The following PPP2R2B variants were observed in gnomAD, a reference collection of about 807,000 sequenced individuals.
PPP2R2B encodes protein phosphatase 2 regulatory subunit Bbeta.
A neutral mutation model predicts 46.0 loss-of-function variants in PPP2R2B; 5 were observed. That is an observed-to-expected ratio of 0.11 (90% confidence interval 0.06 to 0.23). PPP2R2B has a LOEUF of 0.23. Ranked by LOEUF, PPP2R2B falls within the 10% of genes least tolerant of loss-of-function variation. PPP2R2B has a pLI of 1.00. For missense variants in PPP2R2B, 367 were observed against 575.0 expected (o/e 0.64, Z 3.70); for synonymous variants, 215 against 206.7 (o/e 1.04, Z -0.34).
chr5:146,971,795 C>CT (rs1281199926), intron 1 of PPP2R2B, among the ~76,000 whole-genome samples: 1 of 152,102 alleles, frequency 6.6e-6, no homozygotes, highest in Non-Finnish European at 1.5e-5. Context: ...AAAATTACAT[C>CT]TTTAACATAC....
chr5:147,046,152 T>C (rs1439158733), intron 1 of PPP2R2B, among the ~76,000 whole-genome samples: 44 of 152,166 alleles, frequency 2.9e-4, no homozygotes, highest in Admixed American at 2.9e-3. Flanking sequence ...TGACACATAA[T>C]AGAGATGTTC....
chr5:146,648,065 C>T (rs374876136), intron 6 of PPP2R2B, among the ~76,000 whole-genome samples: 12 of 152,294 alleles, frequency 7.9e-5, no homozygotes, highest in South Asian at 4.1e-4. Flanking sequence ...GTACCAAAAC[C>T]GGGTCTTTTT....
At chr5:147,062,989 AG>A (rs1226881346) in intron 2 of PPP2R2B, among the ~76,000 whole-genome samples, 8 of 65,178 alleles carry the variant, frequency 1.2e-4, no homozygotes, top group African/African-American at 5.3e-4. Flanking sequence ...GGAGGGAGGG[AG>A]GGAGGGAGGG....
chr5:146,890,538 AG>A (rs1394996827), intron 1 of PPP2R2B, among the ~76,000 whole-genome samples: 5 of 152,200 alleles, frequency 3.3e-5, no homozygotes, highest in Admixed American at 6.5e-5. Context: ...TATGCAAAAA[AG>A]GTTGTCAATC....
At chr5:146,671,466 T>A (rs1777365818) in intron 5 of PPP2R2B, among the ~76,000 whole-genome samples, 1 of 152,200 alleles carries the variant, frequency 6.6e-6, no homozygotes, top group African/African-American at 2.4e-5. Flanking sequence ...CATATGTAAC[T>A]GCAGCTTTCA....
intron 1 of PPP2R2B, among the ~76,000 whole-genome samples, chr5:146,933,317 A>G (rs535377097): frequency 3.3e-5 from 5 of 152,260 alleles, no homozygotes; most frequent in African/African-American, 1.2e-4. Flanking sequence ...GGTTAAGTAG[A>G]ATAGCACAAA....
intron 1 of PPP2R2B, among the ~76,000 whole-genome samples, chr5:146,992,354 T>A (rs1408477476): frequency 6.6e-6 from 1 of 152,216 alleles, no homozygotes; most frequent in Non-Finnish European, 1.5e-5. Flanking sequence ...AGATTGTAGT[T>A]CTCTTTCAGC....
chr5:146,937,498 A>C (rs1267857610), intron 1 of PPP2R2B, among the ~76,000 whole-genome samples: 1 of 152,168 alleles, frequency 6.6e-6, no homozygotes, highest in Non-Finnish European at 1.5e-5. Context: ...ACTGTGGAAG[A>C]ACTGTGGGTC....
intron 2 of PPP2R2B, among the ~76,000 whole-genome samples, chr5:146,738,986 T>C (rs1249914784): frequency 3.3e-5 from 5 of 151,252 alleles, no homozygotes. Context: ...TATAATGCAA[T>C]AGGAATTAAG....
Position 146,768,410 on chromosome 5 carries a change from C to T in PPP2R2B, c.71-67268G>A, listed in dbSNP as rs145582559. On this transcript the variant is annotated intron_variant, in intron 2 of 9. Transcript: ENST00000394411. ...TGTAGCCAATGCTTCCCAAGAAATTCCTGGGGGTGAAATGGTTAACAGTTT... is the reference window on the plus strand; with the variant it reads ...TGTAGCCAATGCTTCCCAAGAAATTTCTGGGGGTGAAATGGTTAACAGTTT... Among the ~76,000 whole-genome samples the T allele has an allele frequency of 2.5e-3, 373 of 152,194 alleles. 2 individuals carry two copies. The highest frequency in any genetic ancestry group is 8.6e-3 in the African/African-American group (357 of 41,526).
rs1778457206 is a variant in PPP2R2B at position 146,685,762 on chromosome 5, T to TGACA, written c.447+5362_447+5365dup. Among the ~76,000 whole-genome samples, 5 of 152,266 alleles carry TGACA rather than the reference T, an allele frequency of 3.3e-5. No homozygotes were observed. In the South Asian group the frequency reaches 1.0e-3, roughly 32 times the overall value. On this transcript the variant is annotated intron_variant, in intron 5 of 9. Transcript: ENST00000394411. Reference sequence around the variant, plus strand: ...TCATGAGACTGTGAGTGTCCTGTGCTGACAGGAGGACAGAAACAGCCATTG... The same window carrying TGACA: ...TCATGAGACTGTGAGTGTCCTGTGCTGACAGACAGGAGGACAGAAACAGCCATTG...
At chr5:146,682,450 C>A (rs1160304744) in intron 5 of PPP2R2B, among the ~76,000 whole-genome samples, 1 of 152,190 alleles carries the variant, frequency 6.6e-6, no homozygotes, top group East Asian at 1.9e-4. Flanking sequence ...TCAGCCCAAC[C>A]TCTGTAAGAA....
intron 1 of PPP2R2B, among the ~76,000 whole-genome samples, chr5:146,974,647 C>T (rs1752813760): frequency 6.6e-6 from 1 of 151,462 alleles, no homozygotes; most frequent in South Asian, 2.1e-4. Flanking sequence ...ATTTTGACCA[C>T]TTAAAGTATA....
intron 2 of PPP2R2B, among the ~76,000 whole-genome samples, chr5:146,708,049 T>C (rs114555484): frequency 0.013 from 1,910 of 152,284 alleles, 45 homozygotes; most frequent in African/African-American, 0.044. Context: ...TTTAAAACTT[T>C]TTAAAAATTT....
chr5:146,820,712 C>T (rs1005638658), intron 2 of PPP2R2B, among the ~76,000 whole-genome samples: 4 of 152,092 alleles, frequency 2.6e-5, no homozygotes, highest in African/African-American at 4.8e-5. Context: ...CGTCAGGCTG[C>T]TCAAACTCAC....
At chr5:147,010,742 G>A (rs146770657) in intron 1 of PPP2R2B, among the ~76,000 whole-genome samples, 106 of 152,168 alleles carry the variant, frequency 7.0e-4, no homozygotes, top group African/African-American at 2.3e-3. Flanking sequence ...GCCACGGATC[G>A]GTAGTAATCT....
intron 1 of PPP2R2B, among the ~76,000 whole-genome samples, chr5:146,956,665 C>G (rs900904008): frequency 3.9e-5 from 6 of 152,150 alleles, no homozygotes; most frequent in African/African-American, 1.4e-4. Flanking sequence ...ATGTATATAT[C>G]TGTCTTAGCC....
At chr5:146,868,364 T>C (rs1761428838) in intron 2 of PPP2R2B, among the ~76,000 whole-genome samples, 2 of 152,218 alleles carry the variant, frequency 1.3e-5, no homozygotes, top group Admixed American at 6.5e-5. Context: ...CAGCCAGACC[T>C]GGAATTTCTG....
intron 1 of PPP2R2B, among the ~76,000 whole-genome samples, chr5:147,049,996 G>A (rs748746907): frequency 3.9e-5 from 6 of 152,088 alleles, no homozygotes; most frequent in Non-Finnish European, 7.4e-5. Context: ...GCATGTGTGT[G>A]GACTGCAAAA....
Sources: allele counts gnomAD v4.1 joint callset (sites outside exome capture counted in the v4.1 genomes callset), GRCh38; gene constraint gnomAD v4.1.1; transcripts MANE v1.5; gene names NCBI Gene and HGNC (gene_info 2026-07-23, HGNC 2026-07-21).